The following CTNNA2 variants were observed in gnomAD, a reference collection of about 807,000 sequenced individuals.
CTNNA2 encodes the protein catenin alpha-2.
Under a neutral mutation model 101.0 loss-of-function variants are expected in CTNNA2, and 42 were observed. The ratio of observed to expected loss-of-function variants is 0.42; its 90% confidence interval spans 0.32 to 0.54. The LOEUF (loss-of-function observed/expected upper bound fraction) is 0.54. Among genes scored for constraint, CTNNA2 ranks in the 20% least tolerant of loss-of-function variants. The pLI is 0.14. For missense variants in CTNNA2, 871 were observed against 1,223.1 expected, an observed-to-expected ratio of 0.71 and a Z score of 4.29; for synonymous variants, 450 against 456.4, an observed-to-expected ratio of 0.99 and a Z score of 0.18.
chr2:79,189,865 G>T (rs1257238218), intron 1 of CTNNA2, among the ~76,000 whole-genome samples: 1 of 152,132 alleles, frequency 6.6e-6, no homozygotes, highest in Non-Finnish European at 1.5e-5. Context: ...TCGCAAAGGT[G>T]CAAAGAAATA....
At chr2:80,149,031 T>A (rs556504797) in intron 7 of CTNNA2, among the ~76,000 whole-genome samples, 4,219 of 151,136 alleles carry the variant, frequency 0.028, 94 homozygotes, top group Middle Eastern at 0.059. Context: ...TTATTTTTTT[T>A]TTTTTTTTTT....
chr2:79,298,817 T>C (rs1529792), intron 2 of CTNNA2, among the ~76,000 whole-genome samples: 127,764 of 152,218 alleles, frequency 0.84, 53,799 homozygotes, highest in African/African-American at 0.87. Context: ...AAACTAAATC[T>C]ACCTTCTTTT....
At chr2:79,851,244 T>A (rs1439832362) in intron 3 of CTNNA2, among the ~76,000 whole-genome samples, 1 of 152,234 alleles carries the variant, frequency 6.6e-6, no homozygotes, top group South Asian at 2.1e-4. Flanking sequence ...TTGTCTCAAA[T>A]GAAGATATTT....
At chr2:80,088,091 T>A (rs904659821) in intron 7 of CTNNA2, among the ~76,000 whole-genome samples, 1 of 152,034 alleles carries the variant, frequency 6.6e-6, no homozygotes, top group South Asian at 2.1e-4. Flanking sequence ...ACAAGAAACA[T>A]TGAACCTCAG....
chr2:80,093,150 C>T (rs1006367995), intron 7 of CTNNA2, among the ~76,000 whole-genome samples: 2 of 151,996 alleles, frequency 1.3e-5, no homozygotes, highest in African/African-American at 2.4e-5. Context: ...TGCTATCCCC[C>T]CTGCTCCCCC....
At chr2:79,418,644 C>G (rs949451788) in intron 4 of CTNNA2, among the ~76,000 whole-genome samples, 9 of 152,054 alleles carry the variant, frequency 5.9e-5, no homozygotes, top group Non-Finnish European at 1.3e-4. Context: ...GTATCTTTAT[C>G]CAGAGAATGG....
At chr2:80,620,106 T>G (rs1324666432) in intron 18 of CTNNA2, among the ~76,000 whole-genome samples, 1 of 151,848 alleles carries the variant, frequency 6.6e-6, no homozygotes. Context: ...TGGTTGACTT[T>G]TTAAGGGATA....
At chr2:79,930,222 G>A (rs1049607554) in intron 7 of CTNNA2, among the ~76,000 whole-genome samples, 1 of 149,704 alleles carries the variant, frequency 6.7e-6, no homozygotes, top group Non-Finnish European at 1.5e-5. Flanking sequence ...TAGCCTGGGT[G>A]ACAGAGCGAG....
Position 80,375,762 on chromosome 2 carries a change from AC to A in CTNNA2, c.1057-17448del, listed in dbSNP as rs200565625. Reference sequence around the variant, plus strand: ...GTATTTTTAGTAGAAACAGGGTTTTACTGTGTTAGCCAGGATGGTCTCGATC... The same window carrying A: ...GTATTTTTAGTAGAAACAGGGTTTTATGTGTTAGCCAGGATGGTCTCGATC... On this transcript the variant is annotated intron_variant, in intron 7 of 18. Coordinates refer to ENST00000402739, the MANE Select transcript of CTNNA2 (RefSeq NM_001282597.3). 3.8e-3 allele frequency among the ~76,000 whole-genome samples: 573 copies of A among 151,924 alleles called. 4 individuals carry two copies. Among genetic ancestry groups the A allele is most frequent in the African/African-American group, 0.013 (535 of 41,418 alleles).
chr2:79,748,852 A>G (rs1202685836), intron 3 of CTNNA2, among the ~76,000 whole-genome samples: 3 of 152,060 alleles, frequency 2.0e-5, no homozygotes, highest in Non-Finnish European at 2.9e-5. Context: ...ATTTCCCTAT[A>G]TCTGTAAAAA....
chr2:80,596,718 G>A (rs1013577966), intron 15 of CTNNA2, among the ~76,000 whole-genome samples: 1 of 152,022 alleles, frequency 6.6e-6, no homozygotes, highest in South Asian at 2.1e-4. Flanking sequence ...TTGCCTGATT[G>A]CCCTGGCCAG....
chr2:80,205,200 A>G (rs1272469028), intron 7 of CTNNA2, among the ~76,000 whole-genome samples: 2 of 152,154 alleles, frequency 1.3e-5, no homozygotes, highest in Non-Finnish European at 1.5e-5. Flanking sequence ...AACCAAACCT[A>G]AAAGGTAGAG....
intron 7 of CTNNA2, among the ~76,000 whole-genome samples, chr2:80,100,323 C>T (rs984231620): frequency 1.3e-5 from 2 of 152,130 alleles, no homozygotes; most frequent in East Asian, 3.9e-4. Context: ...ACAAGCAGAT[C>T]GTTCTTCAAA....
intron 7 of CTNNA2, among the ~76,000 whole-genome samples, chr2:80,315,400 T>G (rs1170653601): frequency 6.6e-6 from 1 of 152,198 alleles, no homozygotes; most frequent in African/African-American, 2.4e-5. Flanking sequence ...CTCGCTCAAG[T>G]GTCCATGATC....
chr2:80,055,236 C>A (rs572381841), intron 7 of CTNNA2, among the ~76,000 whole-genome samples: 2 of 152,170 alleles, frequency 1.3e-5, no homozygotes, highest in South Asian at 4.1e-4. Context: ...ACTATGTTGT[C>A]CAGGCTGGCC....
At chr2:80,128,312 G>A (rs1702244303) in intron 7 of CTNNA2, among the ~76,000 whole-genome samples, 1 of 152,130 alleles carries the variant, frequency 6.6e-6, no homozygotes, top group South Asian at 2.1e-4. Flanking sequence ...AGTGATCAGT[G>A]TTAGAGAATC....
intron 13 of CTNNA2, among the ~76,000 whole-genome samples, chr2:80,580,016 C>T (rs1192778681): frequency 2.0e-5 from 3 of 152,222 alleles, no homozygotes; most frequent in African/African-American, 4.8e-5. Context: ...GCTAATCTCA[C>T]ACTGATTCAC....
chr2:79,414,671 C>T (rs922023210), intron 4 of CTNNA2, among the ~76,000 whole-genome samples: 2 of 152,062 alleles, frequency 1.3e-5, no homozygotes, highest in Non-Finnish European at 2.9e-5. Flanking sequence ...GCATCTGGGC[C>T]AGAATCCACA....
At chr2:79,906,792 AT>A (rs1423961490) in intron 6 of CTNNA2, among the ~76,000 whole-genome samples, 1 of 152,168 alleles carries the variant, frequency 6.6e-6, no homozygotes, top group Non-Finnish European at 1.5e-5. Context: ...GCTCGAATAG[AT>A]TTGGGAAACG....
Sources: gnomAD v4.1 joint callset for allele counts (sites outside exome capture counted in the v4.1 genomes callset) on GRCh38, gnomAD v4.1.1 for gene constraint, MANE v1.5 for transcripts, NCBI Gene and HGNC (gene_info 2026-07-23, HGNC 2026-07-21) for gene names.